PDXDC1: variants seen among roughly 807,000 people sequenced by gnomAD.
PDXDC1 encodes the protein pyridoxal-dependent decarboxylase domain-containing protein 1.
Under a neutral mutation model 100.1 loss-of-function variants are expected in PDXDC1, and 42 were observed. The ratio of observed to expected loss-of-function variants is 0.42; its 90% CI spans 0.33 to 0.54. The LOEUF (loss-of-function observed/expected upper bound fraction) is 0.54, where lower values mean the gene tolerates loss of function less well. PDXDC1 is among the 20% of genes least tolerant of loss of function. PDXDC1 has a pLI of 0.10. For synonymous variants in PDXDC1, 260 were observed against 371.7 expected (o/e 0.70, Z 3.46); for missense variants, 636 against 979.2 (o/e 0.65, Z 4.68).
intron 16 of PDXDC1, chr16:15,133,226 T>C: frequency 7.5e-7 from 1 of 1,327,202 alleles, no homozygotes; most frequent in Non-Finnish European, 1.1e-6. Context: ...CCAGCACGCA[T>C]GCAGCAGATG....
At chr16:14,994,354 A>G (rs1489617140) in intron 1 of PDXDC1, among the ~76,000 whole-genome samples, 1 of 152,298 alleles carries the variant, frequency 6.6e-6, no homozygotes, top group Non-Finnish European at 1.5e-5. Context: ...AGCTTTCTAC[A>G]TATGGCTGGC....
chr16:15,102,397 T>A (rs1219681530), intron 16 of PDXDC1, among the ~76,000 whole-genome samples: 1 of 152,074 alleles, frequency 6.6e-6, no homozygotes, highest in Non-Finnish European at 1.5e-5. Context: ...CAGGGGCTTG[T>A]GCCTGGGCTG....
the PDXDC1 span, among the ~76,000 whole-genome samples, chr16:15,152,247 C>T: frequency 3.6e-5 from 4 of 111,178 alleles, no homozygotes; most frequent in East Asian, 1.0e-3. Context: ...GAGGCACCTG[C>T]GTGAGCTCCC....
intron 16 of PDXDC1, chr16:15,128,296 C>T (rs754735692): frequency 3.7e-6 from 6 of 1,610,374 alleles, no homozygotes; most frequent in Non-Finnish European, 3.4e-6. Flanking sequence ...GATGTCCAGG[C>T]TGTTGCGGTG....
chr16:15,056,092 C>T (rs1329446190), intron 16 of PDXDC1: 1 of 271,398 alleles, frequency 3.7e-6, no homozygotes, highest in African/African-American at 2.3e-5. Flanking sequence ...CCCGCCCCAC[C>T]GCGGGCGCTG....
chr16:15,054,811 A>G (rs1331170449), intron 16 of PDXDC1, among the ~76,000 whole-genome samples: 1 of 152,222 alleles, frequency 6.6e-6, no homozygotes, highest in Non-Finnish European at 1.5e-5. Flanking sequence ...CAGGAGGCTT[A>G]CATTCTGGCG....
In PDXDC1 at chr16:15,094,094, C is replaced by G. The variant is rs756153921; in HGVS notation, c.1400-44785C>G. ...CCTTTCAATCCGCTCCTCTAAGCGC[C>G]GTCCTGAGCTTTCGTCCCAGATACG... On this transcript the variant is annotated intron_variant, in intron 16 of 16. Transcript: ENST00000535621. 3 of 1,492,156 alleles carry G rather than the reference C, an allele frequency of 2.0e-6. No individual in the cohort carries two copies. The East Asian group carries it at 7.2e-5, about 36-fold the overall frequency. The allele number at this position is 1,492,156 out of a possible 1,614,324, so 92.4% of individuals were successfully genotyped here. A position where few individuals can be genotyped will look rare whatever the true frequency, so the allele number is the denominator to read the frequency against.
intron 16 of PDXDC1, among the ~76,000 whole-genome samples, chr16:15,106,697 G>A (rs1194003275): frequency 6.5e-5 from 9 of 139,134 alleles, no homozygotes; most frequent in East Asian, 4.1e-4. Context: ...GGAGGTTGCA[G>A]TGAGCCAAGA....
At chr16:15,035,044 A>C (rs1387021506) in intron 21 of PDXDC1, among the ~76,000 whole-genome samples, 7 of 152,096 alleles carry the variant, frequency 4.6e-5, no homozygotes. Flanking sequence ...TTCCTGTTCT[A>C]CCAAGGAAAT....
intron 16 of PDXDC1, chr16:15,094,087 TA>T: frequency 6.8e-7 from 1 of 1,472,698 alleles, no homozygotes; most frequent in Non-Finnish European, 9.3e-7. Flanking sequence ...TCCGCTCCTC[TA>T]AGCGCCGTCC....
intron 8 of PDXDC1, among the ~76,000 whole-genome samples, chr16:15,011,041 TCAG>T (rs2041220082): frequency 6.6e-6 from 1 of 152,286 alleles, no homozygotes; most frequent in African/African-American, 2.4e-5. Flanking sequence ...TCTTAAAATC[TCAG>T]CAGGCTACAA....
intron 16 of PDXDC1, among the ~76,000 whole-genome samples, chr16:15,098,200 AT>A (rs35540128): frequency 0.59 from 65,865 of 112,574 alleles, 18,508 homozygotes; most frequent in Admixed American, 0.68. Context: ...GATATCTATG[AT>A]TTTTTTTTTT....
downstream of PDXDC1, among the ~76,000 whole-genome samples, chr16:15,042,718 CTATTTATTTATTTATT>C (rs58123477): frequency 2.1e-4 from 31 of 147,004 alleles, no homozygotes; most frequent in African/African-American, 7.5e-4. Flanking sequence ...AAAGGATGAA[CTATTTATTTATTTATT>C]TATTTATTTA....
In PDXDC1 at chr16:15,036,503, C is replaced by T; in HGVS notation, c.*228C>T. On this transcript the variant is annotated 3_prime_UTR_variant, in exon 23 of 23. Transcript: ENST00000396410. ...TTTGCTGTCCTACTACGACTTTTCCCTAAGTTACCATAAACACATTTTATT... is the reference window on the plus strand; with the variant it reads ...TTTGCTGTCCTACTACGACTTTTCCTTAAGTTACCATAAACACATTTTATT... The T allele has an allele frequency of 1.8e-6, 1 of 542,438 alleles. No homozygotes were observed. Among genetic ancestry groups the T allele is most frequent in the Non-Finnish European group, 3.2e-6 (1 of 309,158 alleles). The allele number at this position is 542,438 out of a possible 1,614,324, so 33.6% of individuals were successfully genotyped here.
At chr16:15,039,047 C>T (rs1307159581), downstream of PDXDC1, among the ~76,000 whole-genome samples, 1 of 152,164 alleles carries the variant, frequency 6.6e-6, no homozygotes, top group Non-Finnish European at 1.5e-5. Context: ...AGTCTGTGTT[C>T]CCATTGCCTC....
At chr16:15,039,861 A>G (rs2043730191), downstream of PDXDC1, 1 of 690,622 alleles carries the variant, frequency 1.4e-6, no homozygotes, top group Non-Finnish European at 2.6e-6. Context: ...ATGTACGGCT[A>G]TAAAGAAGCT....
intron 1 of PDXDC1, chr16:14,990,014 C>CAGGT: frequency 6.8e-7 from 1 of 1,474,720 alleles, no homozygotes; most frequent in Non-Finnish European, 8.9e-7. Context: ...ACCAGGGAAG[C>CAGGT]AGGTGCAGGC....
In PDXDC1 at chr16:15,036,493, C is replaced by A. The variant is rs1027970810; in HGVS notation, c.*218C>A. 1 of 555,242 alleles carries A rather than the reference C, an allele frequency of 1.8e-6. No individual in the cohort carries two copies. The highest frequency in any genetic ancestry group is 3.2e-6 in the Non-Finnish European group (1 of 315,776). The allele number at this position is 555,242 out of a possible 1,614,324, so 34.4% of individuals were successfully genotyped here. On this transcript the variant is annotated 3_prime_UTR_variant, in exon 23 of 23. Transcript: ENST00000396410. The stretch of plus-strand genomic sequence containing the variant: ...TAGAACCACGTTTGCTGTCCTACTA[C>A]GACTTTTCCCTAAGTTACCATAAAC...
At chr16:15,139,902 C>T, downstream of PDXDC1, among the ~76,000 whole-genome samples, 1 of 151,912 alleles carries the variant, frequency 6.6e-6, no homozygotes, top group Non-Finnish European at 1.5e-5. Context: ...TCGAGACCAT[C>T]CTGGCCAACA....
Sources: allele counts gnomAD v4.1 joint callset (sites outside exome capture counted in the v4.1 genomes callset), GRCh38; gene constraint gnomAD v4.1.1; transcripts MANE v1.5; gene names NCBI Gene and HGNC (gene_info 2026-07-23, HGNC 2026-07-21).